PIEZO2: variants seen among roughly 807,000 people sequenced by gnomAD.
The protein encoded by PIEZO2 is piezo-type mechanosensitive ion channel component 2.
In PIEZO2, 172 loss-of-function variants were observed where a neutral mutation model predicts 337.3. The observed-to-expected ratio is 0.51, with a 90% CI of 0.45 to 0.58. The LOEUF (loss-of-function observed/expected upper bound fraction) is 0.58, where lower values mean the gene tolerates loss of function less well. Among genes scored for constraint, PIEZO2 ranks in the 20% least tolerant of loss-of-function variants. The pLI, the probability that PIEZO2 is intolerant of heterozygous loss-of-function variation, is 0.00. For synonymous variants in PIEZO2, 1,251 were observed against 1,228.5 expected (o/e 1.02, Z -0.38); for missense variants, 3,028 against 3,391.3 (o/e 0.89, Z 2.66).
At position 10,972,426 on chromosome 18, in the gene PIEZO2, G is replaced by A. The variant is rs1380797000; in HGVS notation, c.286+7109C>T. ...ATGAGAAGAGGGCCATAAAATATTCGGAAGGCCAGGCCAGGCCCAAGGCTG... is the reference window on the plus strand; with the variant it reads ...ATGAGAAGAGGGCCATAAAATATTCAGAAGGCCAGGCCAGGCCCAAGGCTG... On this transcript the variant is annotated intron_variant, in intron 3 of 55. Coordinates refer to ENST00000674853, the MANE Select transcript of PIEZO2 (RefSeq NM_001378183.1). Among the ~76,000 whole-genome samples the A allele has an allele frequency of 2.6e-5, 4 of 152,054 alleles. No individual in the cohort carries two copies. In the South Asian group the frequency reaches 6.2e-4, roughly 24 times the overall value.
chr18:10,800,419 G>A lies in PIEZO2; in HGVS notation c.1296C>T (p.Ser432=). 1 of 1,536,398 alleles carries A rather than the reference G, an allele frequency of 6.5e-7. No individual in the cohort carries two copies. The highest frequency in any genetic ancestry group is 8.7e-7 in the Non-Finnish European group (1 of 1,146,504). ...TGCCAGGGCCGTTCTCCATGGGCAGGCTTGGGTGGATGGTGTGGTAATCCA... is the reference window on the plus strand; with the variant it reads ...TGCCAGGGCCGTTCTCCATGGGCAGACTTGGGTGGATGGTGTGGTAATCCA... The part of the protein sequence containing the change: ...NPVDYHTIHP[S]LPMENGPGKA... The change falls in exon 11 of 56, where the codon AGC becomes AGT. Residue 432 remains serine (S), a synonymous_variant. Transcript: ENST00000674853.
chr18:10,902,762 C>T (rs1299756261), intron 4 of PIEZO2, among the ~76,000 whole-genome samples: 1 of 152,154 alleles, frequency 6.6e-6, no homozygotes, highest in Non-Finnish European at 1.5e-5. Flanking sequence ...TTCCAAAGTG[C>T]AGACCCTGAA....
intron 2 of PIEZO2, among the ~76,000 whole-genome samples, chr18:10,997,844 G>GA (rs11453378): frequency 0.39 from 59,136 of 151,892 alleles, 12,651 homozygotes; most frequent in Non-Finnish European, 0.49. Context: ...GATTGGTTCA[G>GA]AAAAAAATTT....
intron 2 of PIEZO2, among the ~76,000 whole-genome samples, chr18:10,987,366 G>C (rs1459669181): frequency 1.3e-5 from 2 of 152,012 alleles, no homozygotes; most frequent in Admixed American, 1.3e-4. Flanking sequence ...CAGACACACA[G>C]AAAAATGGAA....
At chr18:10,909,014 T>A (rs1017714223) in intron 4 of PIEZO2, among the ~76,000 whole-genome samples, 1 of 152,228 alleles carries the variant, frequency 6.6e-6, no homozygotes, top group Non-Finnish European at 1.5e-5. Flanking sequence ...AATAAACTTT[T>A]AGTGAAATAC....
At position 10,712,434 on chromosome 18, in the gene PIEZO2, T is replaced by C. The variant is rs992242071; in HGVS notation, c.5423+2330A>G. On this transcript the variant is annotated intron_variant, in intron 39 of 55. Transcript: ENST00000674853. Reference sequence around the variant, plus strand: ...CAGTTTAAATACAATGATCAATAGATAGGGAGACGATTGTTGCAATAAGAA... The same window carrying C: ...CAGTTTAAATACAATGATCAATAGACAGGGAGACGATTGTTGCAATAAGAA... Among the ~76,000 whole-genome samples, 10 of 152,346 alleles carry C rather than the reference T, an allele frequency of 6.6e-5. No individual in the cohort carries two copies. In the East Asian group the frequency reaches 1.5e-3, roughly 23 times the overall value.
At position 11,145,927 on chromosome 18, in the gene PIEZO2, C is replaced by T. The variant is rs187767804; in HGVS notation, c.64+2598G>A. 2.4e-3 allele frequency among the ~76,000 whole-genome samples: 367 copies of T among 152,262 alleles called. 2 individuals carry two copies. The highest frequency in any genetic ancestry group is 8.5e-3 in the African/African-American group (354 of 41,546). ...CTCCTCTGCTTTCTCCTGGATGAGGCTTTTCCTAGGGCAGGGGAAAGCAAC... is the reference window on the plus strand; with the variant it reads ...CTCCTCTGCTTTCTCCTGGATGAGGTTTTTCCTAGGGCAGGGGAAAGCAAC... On this transcript the variant is annotated intron_variant, in intron 1 of 55. Coordinates refer to ENST00000674853, the MANE Select transcript of PIEZO2 (RefSeq NM_001378183.1).
chr18:10,789,552 T>A (rs894074817), intron 14 of PIEZO2, among the ~76,000 whole-genome samples, 187 bp from the exon 15 acceptor site: 2 of 152,220 alleles, frequency 1.3e-5, no homozygotes, highest in Non-Finnish European at 2.9e-5. Flanking sequence ...TTTCATAACC[T>A]TCTCAAAATA....
At chr18:11,061,796 G>A (rs1176459539) in intron 2 of PIEZO2, among the ~76,000 whole-genome samples, 2 of 152,162 alleles carry the variant, frequency 1.3e-5, no homozygotes, top group African/African-American at 4.8e-5. Flanking sequence ...ATGCTCATGG[G>A]TAGGAAGAAT....
rs567297900 is a variant in PIEZO2, at chr18:11,047,471, C to G, written c.160+18656G>C. ...AAGGGGCAAGGGGACAGGGACTCCT[C>G]TCCTCCCTCCCCATCCCCCAAATTC... is the stretch of plus-strand genomic sequence containing the variant. On this transcript the variant is annotated intron_variant, in intron 2 of 55. Coordinates refer to ENST00000674853, the MANE Select transcript of PIEZO2 (RefSeq NM_001378183.1). This position sits in a 1 kb window ranked among gnomAD's most constrained non-coding sequence, Gnocchi z 7.2. 6.6e-6 allele frequency among the ~76,000 whole-genome samples: 1 copy of G among 152,256 alleles called. No individual in the cohort carries two copies. The highest frequency in any genetic ancestry group is 2.1e-4 in the South Asian group (1 of 4,830).
In PIEZO2 at chr18:11,032,524, G is replaced by A. The variant is rs181630382; in HGVS notation, c.160+33603C>T. On this transcript the variant is annotated intron_variant, in intron 2 of 55. Transcript: ENST00000674853. This position sits in a 1 kb window ranked among gnomAD's most constrained non-coding sequence, Gnocchi z 4.9. ...GCCAGTCTGGCTGGCTATGGATGAC[G>A]GGTGGGAATTCTGACTACCCTGGTC... 1.5e-3 allele frequency among the ~76,000 whole-genome samples: 225 copies of A among 152,296 alleles called. 4 individuals are homozygous for A. The highest frequency in any genetic ancestry group is 0.011 in the Admixed American group (173 of 15,300).
At chr18:11,144,881 G>T (rs540289390) in intron 1 of PIEZO2, among the ~76,000 whole-genome samples, 2 of 152,228 alleles carry the variant, frequency 1.3e-5, no homozygotes, top group Admixed American at 6.5e-5. Flanking sequence ...AGACATTAGG[G>T]AACTCCAGGC....
At chr18:10,848,324 A>T (rs1200603198) in intron 7 of PIEZO2, among the ~76,000 whole-genome samples, 1 of 152,214 alleles carries the variant, frequency 6.6e-6, no homozygotes, top group African/African-American at 2.4e-5. Flanking sequence ...CATAAATGGT[A>T]TTGCACTTGG....
At chr18:10,719,544 G>A (rs1246999632) in intron 36 of PIEZO2, among the ~76,000 whole-genome samples, 1 of 152,196 alleles carries the variant, frequency 6.6e-6, no homozygotes, top group Non-Finnish European at 1.5e-5. Context: ...TTATGGCACA[G>A]TAGTATTCCA....
At chr18:10,963,131 A>G (rs34627145) in intron 3 of PIEZO2, among the ~76,000 whole-genome samples, 17,131 of 152,080 alleles carry the variant, frequency 0.11, 1,232 homozygotes, top group South Asian at 0.16. Context: ...CTAAAAATAC[A>G]AAAATTAGCT....
intron 52 of PIEZO2, among the ~76,000 whole-genome samples, chr18:10,679,549 A>T (rs941300462): frequency 2.6e-5 from 4 of 152,222 alleles, no homozygotes; most frequent in African/African-American, 9.6e-5. Flanking sequence ...GTATTAATTT[A>T]AATCAACTTT....
At position 10,675,300 on chromosome 18, in the gene PIEZO2, G is replaced by GA. The variant is rs781693355; in HGVS notation, c.8082-13dup. The GA allele has an allele frequency of 6.8e-5, 96 of 1,401,998 alleles. No homozygotes were observed. Among genetic ancestry groups the GA allele is most frequent in the Non-Finnish European group, 7.9e-5 (82 of 1,044,098 alleles). The allele number at this position is 1,401,998 out of a possible 1,614,324, so 86.8% of individuals were successfully genotyped here. On this transcript the variant is annotated splice_polypyrimidine_tract_variant and intron_variant, in intron 53 of 55. Transcript: ENST00000674853. ...TCTTTTCTATGGTCCTGTACATTAA[G>GA]AAAAAAAAGATACAATTACGTTTTA...
At chr18:11,015,552 AT>A (rs2036087170) in intron 2 of PIEZO2, among the ~76,000 whole-genome samples, 1 of 152,198 alleles carries the variant, frequency 6.6e-6, no homozygotes, top group South Asian at 2.1e-4. Context: ...TAACCTGAAA[AT>A]TTTAGAATAT....
At chr18:11,108,020 T>C (rs973341136) in intron 1 of PIEZO2, among the ~76,000 whole-genome samples, 2 of 152,176 alleles carry the variant, frequency 1.3e-5, no homozygotes, top group African/African-American at 2.4e-5. Flanking sequence ...AAACAATACA[T>C]AGGAATCCTC....
Sources: gnomAD v4.1 joint callset for allele counts (sites outside exome capture counted in the v4.1 genomes callset) on GRCh38, gnomAD v4.1.1 for gene constraint, Gnocchi (gnomAD v3.1) non-coding constraint, MANE v1.5 for transcripts, NCBI Gene and HGNC (gene_info 2026-07-23, HGNC 2026-07-21) for gene names.